The following PARP11 variants were observed in gnomAD, a reference collection of about 807,000 sequenced individuals.
The protein encoded by PARP11 is protein mono-ADP-ribosyltransferase PARP11.
In PARP11, 31 loss-of-function variants were observed where a neutral mutation model predicts 42.9. That is an observed-to-expected ratio of 0.72 (90% CI 0.54 to 0.98). The LOEUF (loss-of-function observed/expected upper bound fraction) is 0.98. PARP11 is among the 50% of genes least tolerant of loss of function. PARP11 has a pLI of 0.00. For synonymous variants in PARP11, 137 were observed against 127.3 expected (o/e 1.08, Z -0.51); for missense variants, 365 against 413.1 (o/e 0.88, Z 1.01).
intron 1 of PARP11, chr12:3,872,877 G>C: frequency 1.2e-6 from 1 of 806,494 alleles, no homozygotes; most frequent in Non-Finnish European, 1.5e-6. Flanking sequence ...GGTGGGCCGA[G>C]ATCACGCCAC....
At chr12:3,822,716 T>A (rs1338387628) in intron 4 of PARP11, among the ~76,000 whole-genome samples, 2 of 152,070 alleles carry the variant, frequency 1.3e-5, no homozygotes, top group Non-Finnish European at 2.9e-5. Context: ...CAAAAACAGT[T>A]GCTTAGTTCT....
In PARP11 at chr12:3,812,028, CAGA is replaced by C; in HGVS notation, c.*92_*94del. The C allele has an allele frequency of 1.1e-6, 1 of 891,056 alleles. No individual in the cohort carries two copies. The highest frequency in any genetic ancestry group is 1.9e-5 in the South Asian group (1 of 53,846). The allele number at this position is 891,056 out of a possible 1,614,324, so 55.2% of individuals were successfully genotyped here. A position where few individuals can be genotyped will look rare whatever the true frequency, so the allele number is the denominator to read the frequency against. ...TTTTTCATATCTGTTTCAAAAGTAT[CAGA>C]TAATTAACATTTAGTGGCTAGATGA... On this transcript the variant is annotated 3_prime_UTR_variant, in exon 8 of 8. Coordinates refer to ENST00000228820, the MANE Select transcript of PARP11 (RefSeq NM_020367.6).
At chr12:3,823,993 A>G (rs1025117782) in intron 4 of PARP11, among the ~76,000 whole-genome samples, 1 of 152,158 alleles carries the variant, frequency 6.6e-6, no homozygotes, top group Non-Finnish European at 1.5e-5. Flanking sequence ...TCTGTAAAAT[A>G]ACATATTTGA....
At chr12:3,852,294 T>C (rs531899362) in intron 1 of PARP11, among the ~76,000 whole-genome samples, 7 of 152,242 alleles carry the variant, frequency 4.6e-5, no homozygotes, top group South Asian at 2.1e-4. Flanking sequence ...CTTTGACGAG[T>C]TGACAGAAGT....
chr12:3,839,852 T>C (rs1252841517), intron 1 of PARP11: 10 of 1,131,328 alleles, frequency 8.8e-6, no homozygotes, highest in South Asian at 1.2e-5. Context: ...GTTAGTAAAA[T>C]TGTGATGGAA....
Position 3,812,264 on chromosome 12 carries a change from G to C in PARP11, c.876C>G (p.Ser292=). Reference sequence around the variant, plus strand: ...CTTTGGAAGGAGGTCGCATGTATTTGGAGTCTCCGTTTATGTAATCTCCAA... The same window carrying C: ...CTTTGGAAGGAGGTCGCATGTATTTCGAGTCTCCGTTTATGTAATCTCCAA... ...VLIGDYINGD[S]KYMRPPSKDG... The change falls in exon 8 of 8, where the codon TCC becomes TCG. Residue 292 remains serine, a synonymous_variant. Transcript: ENST00000228820. The C allele has an allele frequency of 6.2e-7, 1 of 1,614,162 alleles. No individual in the cohort carries two copies. Among genetic ancestry groups the C allele is most frequent in the East Asian group, 2.2e-5 (1 of 44,884 alleles).
chr12:3,837,052 AG>A (rs1419179529), intron 1 of PARP11, among the ~76,000 whole-genome samples: 1 of 152,222 alleles, frequency 6.6e-6, no homozygotes, highest in Non-Finnish European at 1.5e-5. Flanking sequence ...AAAGGAGTCA[AG>A]TAGGACTACA....
At chr12:3,864,148 C>T (rs374462037) in intron 1 of PARP11, among the ~76,000 whole-genome samples, 179 of 152,194 alleles carry the variant, frequency 1.2e-3, no homozygotes, top group South Asian at 9.1e-3. Flanking sequence ...AATCAGGAAT[C>T]GATATTCGAT....
intron 1 of PARP11, among the ~76,000 whole-genome samples, chr12:3,831,867 A>T (rs1331452563): frequency 2.6e-5 from 4 of 152,080 alleles, no homozygotes. Context: ...TTTTTTTATT[A>T]ATGTTCATTT....
chr12:3,814,595 T>A (rs1011098552), intron 6 of PARP11, among the ~76,000 whole-genome samples: 2 of 152,192 alleles, frequency 1.3e-5, no homozygotes, highest in African/African-American at 4.8e-5. Context: ...ATGCTTTTTA[T>A]CCTCAGAAAC....
chr12:3,850,340 G>C (rs1420386804), intron 1 of PARP11, among the ~76,000 whole-genome samples: 1 of 151,994 alleles, frequency 6.6e-6, no homozygotes, highest in Admixed American at 6.6e-5. Context: ...TCTGAAATCA[G>C]AATTCCTCCA....
At chr12:3,822,871 C>G (rs889886344) in intron 4 of PARP11, among the ~76,000 whole-genome samples, 1 of 152,116 alleles carries the variant, frequency 6.6e-6, no homozygotes, top group Non-Finnish European at 1.5e-5. Context: ...AATCAAAACT[C>G]CTCAACCATT....
At chr12:3,833,476 T>C (rs1021606187) in intron 1 of PARP11, among the ~76,000 whole-genome samples, 1 of 152,128 alleles carries the variant, frequency 6.6e-6, no homozygotes, top group Admixed American at 6.5e-5. Context: ...TGCTGATGCA[T>C]GCTTATAGTC....
At chr12:3,826,288 G>T in intron 3 of PARP11, 55 bp from the exon 4 acceptor site, 1 of 1,275,398 alleles carries the variant, frequency 7.8e-7, no homozygotes. Flanking sequence ...GTACTATAAA[G>T]TGTCATGAAG....
At chr12:3,862,002 T>A (rs1405968798) in intron 1 of PARP11, among the ~76,000 whole-genome samples, 2 of 152,050 alleles carry the variant, frequency 1.3e-5, no homozygotes, top group East Asian at 3.9e-4. Context: ...TCCAACCTGG[T>A]TGATGGAGCG....
At chr12:3,835,070 T>A (rs1947729057) in intron 1 of PARP11, among the ~76,000 whole-genome samples, 1 of 152,112 alleles carries the variant, frequency 6.6e-6, no homozygotes, top group Admixed American at 6.5e-5. Flanking sequence ...TGCTCAAGGT[T>A]GGGCCCTCTC....
rs757774355 is a variant in PARP11 at position 3,821,886 on chromosome 12, C to A, written c.535G>T (p.Glu179Ter). ...AAATCATCTCACCTGCAAAAGAACT[C>A]CCACAAATCTAGGTTTTGAATTCTC... Reference protein sequence around the residue: ...IQRIQNLDLWEFFCRKKAQLK... With the variant: ...IQRIQNLDLW Residue 179 changes from glutamate (E) to a stop codon, truncating the protein, a stop_gained, in exon 6 of 8, where the codon GAG becomes TAG. Transcript: ENST00000228820. LOFTEE classifies it high-confidence loss of function. The A allele has an allele frequency of 1.9e-6, 3 of 1,606,542 alleles. No homozygotes were observed. The highest frequency in any genetic ancestry group is 1.7e-5 in the Admixed American group (1 of 57,168).
In PARP11 at chr12:3,822,133, G is replaced by T; in HGVS notation, c.369C>A (p.Ile123=). The stretch of plus-strand genomic sequence containing the variant: ...CATTCTCCCAGTGTGGTGGCATAGG[G>T]ATGGCCTCGTTTTCACAGATGTAAC... The part of the protein sequence containing the change: ...AFSYICENEA[I]PMPPHWENVN... Residue 123 remains isoleucine, a synonymous_variant, in exon 5 of 8, where the codon ATC becomes ATA. Coordinates refer to ENST00000228820, the MANE Select transcript of PARP11 (RefSeq NM_020367.6). 1 of 1,613,942 alleles carries T rather than the reference G, an allele frequency of 6.2e-7. No homozygotes were observed.
At chr12:3,857,725 G>C (rs1948218728) in intron 1 of PARP11, among the ~76,000 whole-genome samples, 1 of 151,924 alleles carries the variant, frequency 6.6e-6, no homozygotes, top group Non-Finnish European at 1.5e-5. Flanking sequence ...AGCGGCTCAT[G>C]CTTACTGCAG....
Sources: gnomAD v4.1 joint callset for allele counts (sites outside exome capture counted in the v4.1 genomes callset) on GRCh38, gnomAD v4.1.1 for gene constraint, MANE v1.5 for transcripts, NCBI Gene and HGNC (gene_info 2026-07-23, HGNC 2026-07-21) for gene names.